HAL: variants seen among roughly 807,000 people sequenced by gnomAD.
HAL encodes histidase.
HAL carries 85 observed loss-of-function variants against 81.1 expected under a neutral mutation model. The ratio of observed to expected loss-of-function variants is 1.05; its 90% confidence interval spans 0.88 to 1.25. HAL has a LOEUF of 1.25. Among genes scored for constraint, HAL ranks in the 50% most tolerant of loss-of-function variants. The pLI, the probability that HAL is intolerant of heterozygous loss-of-function variation, is 0.00. For missense variants in HAL, 798 were observed against 836.6 expected, an observed-to-expected ratio of 0.95 and a Z score of 0.57; for synonymous variants, 301 against 309.2, an observed-to-expected ratio of 0.97 and a Z score of 0.28.
In HAL at chr12:95,980,713, G is replaced by C; in HGVS notation, c.1362C>G (p.Asp454Glu). Residue 454 changes from aspartate to glutamate, a missense_variant, in exon 17 of 21, where the codon GAC (aspartate) becomes GAG (glutamate). Transcript: ENST00000261208. ...GTTCATGGATGCCAATGGCCAAGTA[G>C]TCTAGGGCCTGAAAGAGGGTCTCCA... ...FHGEYPAKAL[D>E]YLAIGIHELA... The C allele has an allele frequency of 6.2e-7, 1 of 1,613,478 alleles. No homozygotes were observed. Among genetic ancestry groups the C allele is most frequent in the Non-Finnish European group, 8.5e-7 (1 of 1,179,368 alleles).
In HAL at chr12:95,991,037, G is replaced by C. The variant is rs555128706; in HGVS notation, c.716-505C>G. Among the ~76,000 whole-genome samples the C allele has an allele frequency of 9.2e-5, 14 of 152,316 alleles. 1 individual carries two copies. Among genetic ancestry groups the C allele is most frequent in the Admixed American group, 4.6e-4 (7 of 15,292 alleles). On this transcript the variant is annotated intron_variant, in intron 9 of 20. Transcript: ENST00000261208. ...AGATGGGAGAATCACTTGAACCCGT[G>C]AGGTGGAGGTTGCAGTGAGCCGAGA...
chr12:95,984,481 C>T (rs2300560), intron 14 of HAL, among the ~76,000 whole-genome samples: 53,618 of 152,116 alleles, frequency 0.35, 9,805 homozygotes, highest in South Asian at 0.54. Flanking sequence ...TCATTAAGCA[C>T]GAAGGCATCA....
In HAL at chr12:95,981,984, C is replaced by G. The variant is rs148178763; in HGVS notation, c.1288-1121G>C. Among the ~76,000 whole-genome samples, 214 of 152,334 alleles carry G rather than the reference C, an allele frequency of 1.4e-3. 1 individual carries two copies. Among genetic ancestry groups the G allele is most frequent in the Admixed American group, 5.3e-3 (81 of 15,290 alleles). On this transcript the variant is annotated intron_variant, in intron 15 of 20. Transcript: ENST00000261208. ...TTAACCTACTCAAGTGTGGATTACT[C>G]TGTTCTGCATGTGTAACTGTGAGCC... is the stretch of plus-strand genomic sequence containing the variant.
intron 9 of HAL, 42 bp downstream of exon 9, chr12:95,992,638 C>G (rs765524829): frequency 2.0e-5 from 32 of 1,569,734 alleles, no homozygotes; most frequent in Non-Finnish European, 2.8e-5. Flanking sequence ...TGGTACATGT[C>G]CAGCCTCCAC....
chr12:95,988,262 G>GA, intron 10 of HAL, 22 bp from the exon 11 acceptor site: 3 of 1,266,120 alleles, frequency 2.4e-6, no homozygotes, highest in Non-Finnish European at 3.5e-6. Context: ...TTAAAAATAT[G>GA]AAAATGGGTA....
intron 4 of HAL, among the ~76,000 whole-genome samples, chr12:95,994,444 C>T (rs1041318526): frequency 1.3e-5 from 2 of 152,174 alleles, no homozygotes; most frequent in African/African-American, 4.8e-5. Context: ...GGCTGGAGTG[C>T]AGTGGTACAA....
chr12:95,987,007 C>T, intron 12 of HAL, 60 bp downstream of exon 12: 1 of 1,445,210 alleles, frequency 6.9e-7, no homozygotes, highest in Non-Finnish European at 9.7e-7. Flanking sequence ...AGATCTCAGC[C>T]ACCCCGCCCC....
Position 95,980,550 on chromosome 12 carries a change from C to A in HAL, c.1519+6G>T. 1 of 1,612,838 alleles carries A rather than the reference C, an allele frequency of 6.2e-7. No individual in the cohort carries two copies. The highest frequency in any genetic ancestry group is 8.5e-7 in the Non-Finnish European group (1 of 1,179,770). On this transcript the variant is annotated splice_donor_region_variant and intron_variant, in intron 17 of 20. Coordinates refer to ENST00000261208, the MANE Select transcript of HAL (RefSeq NM_002108.4). ...GTGTGTTCTGGGAAAGGGGCAGTGT[C>A]CTTACCAAGGGCTGCTGCCGTGCAG...
intron 20 of HAL, 83 bp downstream of exon 20, chr12:95,976,346 G>A (rs564224118): frequency 3.7e-6 from 4 of 1,087,882 alleles, no homozygotes; most frequent in Non-Finnish European, 5.7e-6. Flanking sequence ...GAAAACAATA[G>A]AATAAGGCAA....
intron 20 of HAL, chr12:95,976,213 C>G (rs1452494728): frequency 3.3e-6 from 2 of 598,598 alleles, no homozygotes; most frequent in East Asian, 5.8e-5. Context: ...ATTTCTGTTT[C>G]TAATCCTTAG....
In HAL at chr12:95,983,795, A is replaced by C; in HGVS notation, c.1287+116T>G. 4 of 718,884 alleles carry C rather than the reference A, an allele frequency of 5.6e-6. No individual in the cohort carries two copies. The South Asian group carries it at 6.0e-5, about 11-fold the overall frequency. The allele number at this position is 718,884 out of a possible 1,614,324, so 44.5% of individuals were successfully genotyped here. A position where few individuals can be genotyped will look rare whatever the true frequency, so the allele number is the denominator to read the frequency against. ...CTGAGCCTCAGGTACTGATTCATTTACTCTGTGAAATGGAGCAATGGAACT... is the reference window on the plus strand; with the variant it reads ...CTGAGCCTCAGGTACTGATTCATTTCCTCTGTGAAATGGAGCAATGGAACT... On this transcript the variant is annotated intron_variant, in intron 15 of 20. Transcript: ENST00000261208.
chr12:95,984,227 A>G (rs981648935), intron 14 of HAL, among the ~76,000 whole-genome samples: 4 of 152,216 alleles, frequency 2.6e-5, no homozygotes, highest in Non-Finnish European at 5.9e-5. Context: ...CATTAGATCA[A>G]TCTATACAAA....
At position 95,993,466 on chromosome 12, in the gene HAL, G is replaced by A. The variant is rs749621956; in HGVS notation, c.574C>T (p.Arg192Cys). 49 of 1,603,578 alleles carry A rather than the reference G, an allele frequency of 3.1e-5. No individual in the cohort carries two copies. In the East Asian group the frequency reaches 3.1e-4, roughly 10 times the overall value. ...TTTGACTTACCTGAAGAATGTGAGC[G>A]TACTAAGTTGACCTGAAGCTCCCTG... Reference protein sequence around the residue: ...KLQELQVNLVRSHSSGVGKPL... With the variant: ...KLQELQVNLVCSHSSGVGKPL... Residue 192 changes from arginine to cysteine, a missense_variant, in exon 8 of 21, where the codon CGC becomes TGC. Transcript: ENST00000261208.
In HAL at chr12:95,995,984, G is replaced by A; in HGVS notation, c.-74C>T. ...TTTATGCAGGAGTGGCTACCGGGGT[G>A]TGGTCAGCTGGAAGGATGAGAATAG... On this transcript the variant is annotated 5_prime_UTR_variant, in exon 2 of 21. Transcript: ENST00000261208. 4.0e-6 allele frequency: 6 copies of A among 1,484,168 alleles called. No homozygotes were observed. The South Asian group carries it at 5.8e-5, about 14-fold the overall frequency. 91.9% of individuals were successfully genotyped at this position (1,484,168 alleles called of 1,614,324 possible). A position where few individuals can be genotyped will look rare whatever the true frequency, so the allele number is the denominator to read the frequency against.
chr12:95,978,888 TG>T (rs1211676488), intron 17 of HAL, among the ~76,000 whole-genome samples: 2 of 152,230 alleles, frequency 1.3e-5, no homozygotes, highest in African/African-American at 4.8e-5. Context: ...TTTTCTATGC[TG>T]CATGGGATCG....
chr12:95,977,998 T>A lies in HAL; in HGVS notation c.1600A>T (p.Met534Leu). The A allele has an allele frequency of 6.2e-7, 1 of 1,613,388 alleles. No homozygotes were observed. The highest frequency in any genetic ancestry group is 8.5e-7 in the Non-Finnish European group (1 of 1,179,318). ...TSAATEDHVS[M>L]GGWAARKALR... Reference sequence around the variant, plus strand: ...GCTTTCCTTGCTGCCCATCCTCCCATGGAGACGTGGTCCTCCGTGGCTGCG... The same window carrying A: ...GCTTTCCTTGCTGCCCATCCTCCCAAGGAGACGTGGTCCTCCGTGGCTGCG... The change falls in exon 18 of 21, where the codon ATG becomes TTG. Residue 534 changes from methionine to leucine, a missense_variant. Transcript: ENST00000261208.
In HAL at chr12:95,980,883, CTTGAAGATAAT is replaced by C; in HGVS notation, c.1288-31_1288-21del. The C allele has an allele frequency of 6.8e-7, 1 of 1,465,914 alleles. No homozygotes were observed. Among genetic ancestry groups the C allele is most frequent in the South Asian group, 1.1e-5 (1 of 87,788 alleles). The allele number at this position is 1,465,914 out of a possible 1,614,324, so 90.8% of individuals were successfully genotyped here. On this transcript the variant is annotated intron_variant, in intron 15 of 20. Coordinates refer to ENST00000261208, the MANE Select transcript of HAL (RefSeq NM_002108.4). The stretch of plus-strand genomic sequence containing the variant: ...GACCATCTTTCAAAAGAGGTTAAGG[CTTGAAGATAAT>C]GTTTGCTGGTCACTTCAAGTACAAC...
intron 18 of HAL, 83 bp from the exon 19 acceptor site, chr12:95,976,789 C>A: frequency 1.2e-6 from 1 of 812,136 alleles, no homozygotes; most frequent in Non-Finnish European, 2.1e-6. Flanking sequence ...AGTTGACACC[C>A]ATCACCACCC....
chr12:95,983,760 C>A (rs1426330029), intron 15 of HAL, 151 bp downstream of exon 15: 3 of 667,370 alleles, frequency 4.5e-6, no homozygotes, highest in African/African-American at 1.8e-5. Context: ...TGGAGAAAGT[C>A]AGTTAACCTC....
Sources: allele counts gnomAD v4.1 joint callset (sites outside exome capture counted in the v4.1 genomes callset), GRCh38; gene constraint gnomAD v4.1.1; transcripts MANE v1.5; gene names NCBI Gene and HGNC (gene_info 2026-07-23, HGNC 2026-07-21).